Variants in MGAM observed in about 807,000 individuals in gnomAD.
MGAM encodes the protein maltase-glucoamylase, also known as alpha-1,4-glucosidase.
Under a neutral mutation model 358.8 loss-of-function variants are expected in MGAM, and 253 were observed. The observed-to-expected ratio is 0.71, with a 90% CI of 0.64 to 0.78. The LOEUF is 0.78. MGAM is among the 30% of genes least tolerant of loss of function. MGAM has a pLI of 0.00. For missense variants in MGAM, 3,080 were observed against 3,432.6 expected (o/e 0.90, Z 2.57); for synonymous variants, 1,105 against 1,227.1 (o/e 0.90, Z 2.08).
chr7:142,041,936 T>C (rs1426686000), intron 21 of MGAM, among the ~76,000 whole-genome samples: 2 of 28,284 alleles, frequency 7.1e-5, no homozygotes, highest in Non-Finnish European at 1.2e-4. Flanking sequence ...ATAATATATA[T>C]ATTATATATA....
chr7:142,007,873 C>A (rs1258508443), intron 2 of MGAM, among the ~76,000 whole-genome samples: 4 of 152,072 alleles, frequency 2.6e-5, no homozygotes, highest in African/African-American at 9.7e-5. Flanking sequence ...GTTGACTGAG[C>A]AAGCAAAGCT....
intron 49 of MGAM, 136 bp from the exon 50 acceptor site, chr7:142,080,655 A>T: frequency 1.2e-6 from 1 of 811,832 alleles, no homozygotes; most frequent in Non-Finnish European, 1.9e-6. Flanking sequence ...TGTGTTAATT[A>T]AATCTCAGAC....
chr7:142,099,618 G>A lies in MGAM; in HGVS notation c.7755G>A (p.Val2585=), dbSNP rs1372491939. ...TTACCTTCTTCTGCCTCCAGGGTGT[G>A]GATATTAATGCAAGAGGAGAGTGGA... ...RARWYDYYTG[V]DINARGEWKT... is the part of the protein sequence containing the mutation. The change falls in exon 67 of 71, where the codon GTG becomes GTA. Residue 2585 remains valine (V), a synonymous_variant. Coordinates refer to ENST00000475668, the MANE Select transcript of MGAM (RefSeq NM_001365693.1). The A allele has an allele frequency of 1.2e-6, 2 of 1,613,712 alleles. No homozygotes were observed. The highest frequency in any genetic ancestry group is 2.2e-5 in the South Asian group (2 of 91,084).
intron 21 of MGAM, among the ~76,000 whole-genome samples, chr7:142,044,180 C>A (rs1408990761): frequency 2.9e-5 from 4 of 137,170 alleles, no homozygotes; most frequent in South Asian, 2.3e-4. Context: ...ATTATATACA[C>A]ATACGACATA....
At chr7:142,100,781 C>G in intron 67 of MGAM, 21 bp from the exon 68 acceptor site, 1 of 1,598,742 alleles carries the variant, frequency 6.3e-7, no homozygotes. Flanking sequence ...TAGCTAATGC[C>G]TCTCTGCCTG....
At chr7:142,096,152 C>T (rs964549508) in intron 64 of MGAM, 179 bp from the exon 65 acceptor site, 6 of 648,272 alleles carry the variant, frequency 9.3e-6, no homozygotes, top group African/African-American at 5.5e-5. Flanking sequence ...AAGTTTGAGG[C>T]ACATCCCATG....
intron 5 of MGAM, 141 bp downstream of exon 5, chr7:142,021,224 T>C (rs994765185): frequency 6.4e-6 from 4 of 628,856 alleles, no homozygotes; most frequent in Non-Finnish European, 8.2e-6. Flanking sequence ...ACCTGTATGT[T>C]AAAGACATAT....
chr7:142,043,995 A>ACG lies in MGAM; in HGVS notation c.2498+3150_2498+3151insGC, dbSNP rs1190188236. Among the ~76,000 whole-genome samples the ACG allele has an allele frequency of 7.4e-4, 96 of 129,294 alleles. 17 individuals are homozygous for ACG. The highest frequency in any genetic ancestry group is 1.0e-3 in the Non-Finnish European group (65 of 63,342). 84.8% of individuals were successfully genotyped at this position (129,294 alleles called of 152,430 possible). A position where few individuals can be genotyped will look rare whatever the true frequency, so the allele number is the denominator to read the frequency against. ...ACGACGTATAATATATACATTATATACACATACGACGTATAATATATACAT... is the reference window on the plus strand; with the variant it reads ...ACGACGTATAATATATACATTATATACGCACATACGACGTATAATATATACAT... On this transcript the variant is annotated intron_variant, in intron 21 of 70. Transcript: ENST00000475668.
upstream of MGAM, among the ~76,000 whole-genome samples, chr7:141,992,537 G>T (rs782201631): frequency 2.0e-5 from 3 of 152,150 alleles, no homozygotes; most frequent in Non-Finnish European, 2.9e-5. Context: ...CTGCCTTGGG[G>T]CCATTGTGAA....
In MGAM at chr7:142,081,005, C is replaced by T; in HGVS notation, c.6002+60C>T. ...CTACCTGCGCCTTCGCTGCCAGGTCCATTGTCCTTGGATGTATCCTGGTTC... is the reference window on the plus strand; with the variant it reads ...CTACCTGCGCCTTCGCTGCCAGGTCTATTGTCCTTGGATGTATCCTGGTTC... On this transcript the variant is annotated intron_variant, in intron 50 of 70. Coordinates refer to ENST00000475668, the MANE Select transcript of MGAM (RefSeq NM_001365693.1). 1.1e-5 allele frequency: 15 copies of T among 1,380,314 alleles called. 2 individuals are homozygous for T. The highest frequency in any genetic ancestry group is 1.3e-5 in the Non-Finnish European group (13 of 990,960). 85.5% of individuals were successfully genotyped at this position (1,380,314 alleles called of 1,614,324 possible). A position where few individuals can be genotyped will look rare whatever the true frequency, so the allele number is the denominator to read the frequency against.
At chr7:142,089,106 T>C (rs1815126748) in intron 57 of MGAM, among the ~76,000 whole-genome samples, 1 of 145,446 alleles carries the variant, frequency 6.9e-6, no homozygotes. Flanking sequence ...TGAAGCTTAG[T>C]GGTCCAAGCA....
rs1189940892 is a variant in MGAM at position 142,008,586 on chromosome 7, G to C, written c.208G>C (p.Ala70Pro). The change falls in exon 3 of 71, where the codon GCT (alanine) becomes CCT (proline). Residue 70 changes from alanine to proline, a missense_variant. By Grantham distance (27) the Ala-to-Pro change is conservative. Transcript: ENST00000475668. ...TCCTGGAACAACTGGTACCACACAT[G>C]CTAGGACAACGGGTCCCCCAGATCC... Reference protein sequence around the residue: ...PDPGTTGTTHARTTGPPDPGT... With the variant: ...PDPGTTGTTHPRTTGPPDPGT... 1 of 1,612,946 alleles carries C rather than the reference G, an allele frequency of 6.2e-7. No individual in the cohort carries two copies. Among genetic ancestry groups the C allele is most frequent in the Non-Finnish European group, 8.5e-7 (1 of 1,179,274 alleles).
Position 142,065,437 on chromosome 7 carries a change from C to T in MGAM, c.4587C>T (p.Ala1529=), listed in dbSNP as rs762148854. The T allele has an allele frequency of 4.3e-5, 70 of 1,609,796 alleles. No individual in the cohort carries two copies. Among genetic ancestry groups the T allele is most frequent in the Middle Eastern group, 1.6e-4 (1 of 6,080 alleles). Residue 1529 remains alanine, a synonymous_variant, in exon 38 of 71, where the codon GCC becomes GCT. Coordinates refer to ENST00000475668, the MANE Select transcript of MGAM (RefSeq NM_001365693.1). ...GACATTGGCTGGGAGACAACACGGC[C>T]GCATGGGATCAGCTGAAGAAGTCTA... The part of the protein sequence containing the change: ...WAGHWLGDNT[A]AWDQLKKSII...
Position 142,047,769 on chromosome 7 carries a change from A to T in MGAM, c.2499-16A>T. The T allele has an allele frequency of 6.2e-7, 1 of 1,604,728 alleles. No homozygotes were observed. Among genetic ancestry groups the T allele is most frequent in the Middle Eastern group, 1.7e-4 (1 of 6,054 alleles). ...TCTGACTCCTGTCTTTGTGTCTTGA[A>T]TCTTGTTCCCCACAGTCGAAAGAAC... On this transcript the variant is annotated splice_polypyrimidine_tract_variant and intron_variant, in intron 21 of 70. Transcript: ENST00000475668.
chr7:142,048,166 T>C (rs189045990), intron 22 of MGAM, among the ~76,000 whole-genome samples: 1 of 144,616 alleles, frequency 6.9e-6, no homozygotes, highest in South Asian at 2.2e-4. Flanking sequence ...TTTATTTATT[T>C]ATTGAGGTGG....
At position 142,095,683 on chromosome 7, in the gene MGAM, G is replaced by A; in HGVS notation, c.7577G>A (p.Gly2526Asp). The change falls in exon 64 of 71, where the codon GGC becomes GAC. Residue 2526 changes from glycine to aspartate, a missense_variant. By Grantham distance (94) the Gly-to-Asp change is moderately conservative. Around this residue, in one of 5 missense-constraint regions of MGAM, gnomAD observed 932 missense variants for 1,198.2 expected, o/e 0.78. Coordinates refer to ENST00000475668, the MANE Select transcript of MGAM (RefSeq NM_001365693.1). ...YTLMHKAHTE[G>D]VTVVRPLLHE... The stretch of plus-strand genomic sequence containing the variant: ...TTGATGCATAAGGCCCACACGGAGG[G>A]CGTCACTGTTGTGCGGCCTCTGCTC... 6.2e-7 allele frequency: 1 copy of A among 1,614,004 alleles called. No individual in the cohort carries two copies. Among genetic ancestry groups the A allele is most frequent in the South Asian group, 1.1e-5 (1 of 91,082 alleles).
In MGAM at chr7:142,013,453, G is replaced by C. The variant is rs782221701; in HGVS notation, c.327+4748G>C. 4.7e-4 allele frequency among the ~76,000 whole-genome samples: 72 copies of C among 152,010 alleles called. 5 individuals are homozygous for C. Among genetic ancestry groups the C allele is most frequent in the Non-Finnish European group, 7.4e-5 (5 of 68,000 alleles). ...TGAATGCTGTAGTTGCTGAAGTTTT[G>C]ATTTTCTTTTTTTTTAAATCTTAGA... On this transcript the variant is annotated intron_variant, in intron 3 of 70. Transcript: ENST00000475668.
chr7:142,023,995 A>G (rs1005532468), intron 7 of MGAM, among the ~76,000 whole-genome samples: 1 of 152,098 alleles, frequency 6.6e-6, no homozygotes, highest in South Asian at 2.1e-4. Flanking sequence ...ACAGTTTGGG[A>G]GGCCAAGGCG....
chr7:141,999,438 A>G (rs1389902717), intron 1 of MGAM, among the ~76,000 whole-genome samples: 2 of 152,172 alleles, frequency 1.3e-5, no homozygotes, highest in Admixed American at 6.5e-5. Context: ...GTGGAGTCCA[A>G]AGGGCAGGTG....
Sources: gnomAD v4.1 joint callset for allele counts (sites outside exome capture counted in the v4.1 genomes callset) on GRCh38, gnomAD v4.1.1 for gene constraint, gnomAD v4.1.1 regional missense constraint, MANE v1.5 for transcripts, NCBI Gene and HGNC (gene_info 2026-07-23, HGNC 2026-07-21) for gene names.